Variants in HDLBP observed in about 807,000 individuals in gnomAD.
The protein encoded by HDLBP is vigilin.
HDLBP carries 30 observed loss-of-function variants against 137.3 expected under a neutral mutation model. That is an observed-to-expected ratio of 0.22 (90% CI 0.16 to 0.30). The LOEUF is 0.30. HDLBP is among the 10% of genes least tolerant of loss of function. The probability of loss-of-function intolerance (pLI) is 1.00; values close to 1 mark genes in which losing one functional copy is unlikely to be tolerated. For synonymous variants in HDLBP, 606 were observed against 596.0 expected (o/e 1.02, Z -0.24); for missense variants, 1,119 against 1,667.3 (o/e 0.67, Z 5.73).
intron 16 of HDLBP, chr2:241,246,505 G>A (rs578083743): frequency 6.8e-6 from 3 of 440,946 alleles, no homozygotes; most frequent in Non-Finnish European, 8.0e-6. Flanking sequence ...GTAACAAGAA[G>A]AAAATGTCTA....
chr2:241,295,080 C>T (rs539933901), intron 1 of HDLBP, among the ~76,000 whole-genome samples: 5 of 152,076 alleles, frequency 3.3e-5, no homozygotes, highest in Admixed American at 2.0e-4. Flanking sequence ...CCAGCCTGGG[C>T]GACAGAGCAA....
intron 4 of HDLBP, among the ~76,000 whole-genome samples, chr2:241,264,225 G>A (rs1312090566): frequency 6.6e-6 from 1 of 151,696 alleles, no homozygotes; most frequent in East Asian, 1.9e-4. Context: ...AGCCGGGCGT[G>A]GTGGCGGGCA....
At chr2:241,229,787 C>CCCCCCCCCCCCCCGG in intron 27 of HDLBP, 46 bp downstream of exon 27, 1 of 1,137,652 alleles carries the variant, frequency 8.8e-7, no homozygotes, top group Non-Finnish European at 1.3e-6. Context: ...CCCGCCTGCC[C>CCCCCCCCCCCCCCGG]GCCCACCCTC....
At chr2:241,244,442 G>A (rs2071510731) in intron 16 of HDLBP, among the ~76,000 whole-genome samples, 1 of 152,164 alleles carries the variant, frequency 6.6e-6, no homozygotes, top group African/African-American at 2.4e-5. Flanking sequence ...CCTAACAGCA[G>A]CCAGAGGGAG....
At position 241,240,439 on chromosome 2, in the gene HDLBP, G is replaced by A. The variant is rs1337381822; in HGVS notation, c.2170-317C>T. On this transcript the variant is annotated intron_variant, in intron 17 of 27. Transcript: ENST00000310931. This position sits in a 1 kb window ranked among gnomAD's most constrained non-coding sequence, Gnocchi z 5.5. ...GCCATTTTTGATCTGCACAGGGGGAGGTGGGAGCAACGCGCCGGACGATAT... is the reference window on the plus strand; with the variant it reads ...GCCATTTTTGATCTGCACAGGGGGAAGTGGGAGCAACGCGCCGGACGATAT... 6.6e-6 allele frequency among the ~76,000 whole-genome samples: 1 copy of A among 152,206 alleles called. No homozygotes were observed. Among genetic ancestry groups the A allele is most frequent in the Non-Finnish European group, 1.5e-5 (1 of 68,034 alleles).
rs1574932993 is a variant in HDLBP, at chr2:241,255,046, C to T, written c.1188+5G>A. 1.3e-6 allele frequency: 2 copies of T among 1,596,688 alleles called. No individual in the cohort carries two copies. The highest frequency in any genetic ancestry group is 1.7e-6 in the Non-Finnish European group (2 of 1,164,116). On this transcript the variant is annotated splice_donor_5th_base_variant and intron_variant, in intron 9 of 27. Transcript: ENST00000310931. The stretch of plus-strand genomic sequence containing the variant: ...CAATACAACAGGTGAAAAACGTGTC[C>T]TTACCTTTGGCATCTGCTGAGTGAT...
Position 241,230,985 on chromosome 2 carries a change from T to G in HDLBP, c.3289-41A>C, listed in dbSNP as rs950375981. On this transcript the variant is annotated intron_variant, in intron 24 of 27. Transcript: ENST00000310931. This position sits in a 1 kb window ranked among gnomAD's most constrained non-coding sequence, Gnocchi z 5.0. Reference sequence around the variant, plus strand: ...GTAGTCAGAAAAGGGGATGCCTTACTGGGATTCCCGTCAGGGGCAAGAGCC... The same window carrying G: ...GTAGTCAGAAAAGGGGATGCCTTACGGGGATTCCCGTCAGGGGCAAGAGCC... 1.9e-6 allele frequency: 3 copies of G among 1,566,390 alleles called. No individual in the cohort carries two copies. The highest frequency in any genetic ancestry group is 2.6e-6 in the Non-Finnish European group (3 of 1,138,768).
At chr2:241,253,185 C>T (rs2072336408) in intron 10 of HDLBP, 150 bp from the exon 11 acceptor site, 4 of 670,700 alleles carry the variant, frequency 6.0e-6, no homozygotes, top group Non-Finnish European at 1.1e-5. Flanking sequence ...CTGAAAGATG[C>T]CTTCTTCAAG....
chr2:241,241,883 G>A (rs1396414812), intron 17 of HDLBP, among the ~76,000 whole-genome samples: 1 of 152,200 alleles, frequency 6.6e-6, no homozygotes, highest in East Asian at 1.9e-4. Context: ...ATCCTCGCCA[G>A]TCTCATCTTC....
intron 3 of HDLBP, among the ~76,000 whole-genome samples, chr2:241,266,090 A>C (rs1559523999): frequency 6.6e-6 from 1 of 152,256 alleles, no homozygotes; most frequent in Non-Finnish European, 1.5e-5. Context: ...TTTCAAATGA[A>C]GATTTTATAA....
chr2:241,242,972 G>C (rs1411377208), intron 16 of HDLBP, among the ~76,000 whole-genome samples: 1 of 152,120 alleles, frequency 6.6e-6, no homozygotes, highest in Non-Finnish European at 1.5e-5. Context: ...AGGTGGGAGC[G>C]TGGTAATTTC....
intron 24 of HDLBP, among the ~76,000 whole-genome samples, chr2:241,232,521 C>A (rs922015099): frequency 6.6e-6 from 1 of 152,176 alleles, no homozygotes; most frequent in Non-Finnish European, 1.5e-5. Flanking sequence ...GGGGATCCAC[C>A]CGCCTCGGCC....
At chr2:241,255,242 G>T (rs1000149747) in intron 8 of HDLBP, 84 bp from the exon 9 acceptor site, 3 of 1,446,038 alleles carry the variant, frequency 2.1e-6, no homozygotes, top group Admixed American at 1.7e-5. Flanking sequence ...CTGGGGCTCA[G>T]AGGCACGCTC....
intron 1 of HDLBP, among the ~76,000 whole-genome samples, chr2:241,285,143 T>C (rs2074755485): frequency 2.0e-5 from 3 of 152,354 alleles, no homozygotes; most frequent in Middle Eastern, 3.4e-3. Context: ...GGCCTCCCAA[T>C]GTGCTGGATT....
chr2:241,300,727 C>T (rs538490837), intron 1 of HDLBP, among the ~76,000 whole-genome samples: 3 of 152,168 alleles, frequency 2.0e-5, no homozygotes, highest in Non-Finnish European at 4.4e-5. Context: ...AGGTCCTCCT[C>T]TCTCTGAGAC....
chr2:241,260,899 G>A (rs1317219986), intron 5 of HDLBP, among the ~76,000 whole-genome samples: 1 of 152,130 alleles, frequency 6.6e-6, no homozygotes, highest in Non-Finnish European at 1.5e-5. Flanking sequence ...CATTAAAAAA[G>A]GGGAGGATTG....
At position 241,272,216 on chromosome 2, in the gene HDLBP, C is replaced by A. The variant is rs1379524271; in HGVS notation, c.-102-3675G>T. 14 of 982,458 alleles carry A rather than the reference C, an allele frequency of 1.4e-5. No homozygotes were observed. The highest frequency in any genetic ancestry group is 1.7e-5 in the African/African-American group (1 of 57,164). The allele number at this position is 982,458 out of a possible 1,614,324, so 60.9% of individuals were successfully genotyped here. On this transcript the variant is annotated intron_variant, in intron 1 of 27. Transcript: ENST00000310931. The surrounding 1 kb of genome is among the most constrained non-coding windows in gnomAD (Gnocchi z 5.6). ...AGGTGGAGGTGCTGCGGGGGCCCCG[C>A]CGCCCGGTCTGCGCCCAGACCCCCG...
chr2:241,237,717 C>T (rs887043636), intron 20 of HDLBP, among the ~76,000 whole-genome samples: 1 of 125,358 alleles, frequency 8.0e-6, no homozygotes, highest in African/African-American at 2.8e-5. Context: ...AAATGACATT[C>T]AGAAAAAAAA....
intron 1 of HDLBP, among the ~76,000 whole-genome samples, chr2:241,298,062 AAAAAAAAAAAAAAAAAAAAAG>A (rs1212745410): frequency 7.8e-5 from 11 of 140,364 alleles, no homozygotes; most frequent in African/African-American, 2.9e-4. Context: ...AAAAAAAAAA[AAAAAAAAAAAAAAAAAAAAAG>A]GGCCAGGCAT....
Sources: allele counts gnomAD v4.1 joint callset (sites outside exome capture counted in the v4.1 genomes callset), GRCh38; gene constraint gnomAD v4.1.1; non-coding constraint Gnocchi (gnomAD v3.1); transcripts MANE v1.5; gene names NCBI Gene and HGNC (gene_info 2026-07-23, HGNC 2026-07-21).